SORCS2: variants seen among roughly 807,000 people sequenced by gnomAD.
The protein encoded by SORCS2 is VPS10 domain-containing receptor SorCS2.
SORCS2 carries 100 observed loss-of-function variants against 141.6 expected under a neutral mutation model. The ratio of observed to expected loss-of-function variants is 0.71; its 90% CI spans 0.60 to 0.83. The LOEUF is 0.83. SORCS2 is among the 40% of genes least tolerant of loss of function. The probability of loss-of-function intolerance (pLI) is 0.00; values close to 1 mark genes in which losing one functional copy is unlikely to be tolerated. For missense variants in SORCS2, 1,646 were observed against 1,560.2 expected (o/e 1.05, Z -0.93); for synonymous variants, 789 against 676.9 (o/e 1.17, Z -2.57).
rs377547954 is a variant in SORCS2 at position 7,201,452 on chromosome 4, C to T, written c.480+8326C>T. Among the ~76,000 whole-genome samples, 8 of 152,334 alleles carry T rather than the reference C, an allele frequency of 5.3e-5. No individual in the cohort carries two copies. Among genetic ancestry groups the T allele is most frequent in the Admixed American group, 3.9e-4 (6 of 15,308 alleles). ...AATTAGCCTCATTCCTCGGCACGCCCCTCAGATGAGAAGGCAGCCCAGAGC... is the reference window on the plus strand; with the variant it reads ...AATTAGCCTCATTCCTCGGCACGCCTCTCAGATGAGAAGGCAGCCCAGAGC... On this transcript the variant is annotated intron_variant, in intron 1 of 26. Coordinates refer to ENST00000507866, the MANE Select transcript of SORCS2 (RefSeq NM_020777.3). The surrounding 1 kb of genome is among the most constrained non-coding windows in gnomAD (Gnocchi z 4.4).
intron 3 of SORCS2, among the ~76,000 whole-genome samples, chr4:7,600,435 C>T (rs569219793): frequency 1.9e-4 from 29 of 152,158 alleles, no homozygotes; most frequent in African/African-American, 5.8e-4. Flanking sequence ...GAAACAGCAC[C>T]GTCCCCACCC....
intron 2 of SORCS2, among the ~76,000 whole-genome samples, chr4:7,510,097 A>G (rs1732524313): frequency 6.6e-6 from 1 of 152,210 alleles, no homozygotes; most frequent in South Asian, 2.1e-4. Context: ...GGACTCGATG[A>G]TTGGAGAAAG....
At chr4:7,257,621 C>T (rs1713990490) in intron 1 of SORCS2, among the ~76,000 whole-genome samples, 1 of 152,184 alleles carries the variant, frequency 6.6e-6, no homozygotes, top group Admixed American at 6.5e-5. Context: ...TGACAAGTCC[C>T]TTCACCTCCC....
chr4:7,330,807 G>C (rs950888224), intron 1 of SORCS2, among the ~76,000 whole-genome samples: 15 of 151,984 alleles, frequency 9.9e-5, no homozygotes, highest in African/African-American at 3.4e-4. Context: ...GTGAACGCTT[G>C]GCAAGCTAGG....
chr4:7,613,515 C>T (rs149320983), intron 3 of SORCS2, among the ~76,000 whole-genome samples: 40 of 152,300 alleles, frequency 2.6e-4, no homozygotes, highest in African/African-American at 9.1e-4. Context: ...CTAAGGAGCA[C>T]TCTGGGCCCC....
intron 1 of SORCS2, among the ~76,000 whole-genome samples, chr4:7,214,986 C>G (rs908603083): frequency 6.6e-6 from 1 of 152,072 alleles, no homozygotes; most frequent in African/African-American, 2.4e-5. Context: ...ACGGCCCTCG[C>G]TTGCTCTCGG....
Position 7,230,571 on chromosome 4 carries a change from T to C in SORCS2, c.480+37445T>C, listed in dbSNP as rs530032000. 6.9e-3 allele frequency among the ~76,000 whole-genome samples: 1,018 copies of C among 146,990 alleles called. 3 individuals carry two copies. The highest frequency in any genetic ancestry group is 0.011 in the Non-Finnish European group (743 of 66,788). On this transcript the variant is annotated intron_variant, in intron 1 of 26. Transcript: ENST00000507866. ...AGGAGTAGTGTCATGTGCTCATGTA[T>C]GAAGGAGATGAAGATGGTCAAGTCT...
chr4:7,490,190 A>T (rs1006903912), intron 2 of SORCS2, among the ~76,000 whole-genome samples: 2 of 152,046 alleles, frequency 1.3e-5, no homozygotes, highest in Admixed American at 6.5e-5. Flanking sequence ...TCGATGCTCT[A>T]AGCATCGCCT....
chr4:7,365,818 C>G (rs1364075423), intron 1 of SORCS2, among the ~76,000 whole-genome samples: 2 of 152,192 alleles, frequency 1.3e-5, no homozygotes, highest in African/African-American at 4.8e-5. Context: ...AGAGAGCGAG[C>G]CAGGCACCTT....
intron 1 of SORCS2, among the ~76,000 whole-genome samples, chr4:7,247,764 T>C (rs1252284326): frequency 6.6e-6 from 1 of 152,170 alleles, no homozygotes; most frequent in Non-Finnish European, 1.5e-5. Flanking sequence ...CAGCTCCTCA[T>C]CTTTGAACTG....
chr4:7,303,172 C>T (rs754212510), intron 1 of SORCS2, among the ~76,000 whole-genome samples: 18 of 152,098 alleles, frequency 1.2e-4, no homozygotes, highest in East Asian at 3.9e-4. Flanking sequence ...AAAAAGAAGC[C>T]GGCATGGGGT....
intron 2 of SORCS2, among the ~76,000 whole-genome samples, chr4:7,468,849 T>A (rs925192763): frequency 6.6e-6 from 1 of 152,200 alleles, no homozygotes; most frequent in Non-Finnish European, 1.5e-5. Context: ...CCCCTTCCTA[T>A]CCAAAACGCC....
chr4:7,677,073 C>T (rs546858860), intron 9 of SORCS2, among the ~76,000 whole-genome samples: 10 of 152,132 alleles, frequency 6.6e-5, no homozygotes, highest in African/African-American at 2.2e-4. Context: ...TGCTTGCTCT[C>T]GCTCTCTGTC....
chr4:7,498,171 C>T (rs1178384000), intron 2 of SORCS2, among the ~76,000 whole-genome samples: 11 of 152,188 alleles, frequency 7.2e-5, no homozygotes, highest in Admixed American at 7.2e-4. Flanking sequence ...TCCTCCTAGT[C>T]CTCCCTTAGC....
chr4:7,502,045 C>A (rs562656979), intron 2 of SORCS2, among the ~76,000 whole-genome samples: 1 of 152,308 alleles, frequency 6.6e-6, no homozygotes, highest in South Asian at 2.1e-4. Flanking sequence ...TCAACCAAGG[C>A]TTCCTGAGCG....
intron 1 of SORCS2, among the ~76,000 whole-genome samples, chr4:7,285,447 A>G (rs1716151150): frequency 6.6e-6 from 1 of 152,198 alleles, no homozygotes; most frequent in Admixed American, 6.5e-5. Context: ...GGAGGCCACC[A>G]TGCACTCCCC....
chr4:7,595,581 C>T (rs1399699832), intron 3 of SORCS2, among the ~76,000 whole-genome samples: 3 of 150,904 alleles, frequency 2.0e-5, no homozygotes, highest in African/African-American at 4.9e-5. Flanking sequence ...GTTCTTGTCA[C>T]TCTTGTCACT....
chr4:7,644,034 C>T (rs1401204964), intron 4 of SORCS2, among the ~76,000 whole-genome samples: 1 of 152,180 alleles, frequency 6.6e-6, no homozygotes, highest in Non-Finnish European at 1.5e-5. Context: ...AGGAACAATA[C>T]TCCCCTCTGG....
At chr4:7,370,076 C>T (rs77057429) in intron 1 of SORCS2, among the ~76,000 whole-genome samples, 1 of 152,088 alleles carries the variant, frequency 6.6e-6, no homozygotes, top group Admixed American at 6.5e-5. Context: ...AGTGCCCCCC[C>T]AGCTTAGCTG....
Sources: allele counts gnomAD v4.1 joint callset (sites outside exome capture counted in the v4.1 genomes callset), GRCh38; gene constraint gnomAD v4.1.1; non-coding constraint Gnocchi (gnomAD v3.1); transcripts MANE v1.5; gene names NCBI Gene and HGNC (gene_info 2026-07-23, HGNC 2026-07-21).